Variants in ALPL observed in about 807,000 individuals in gnomAD.
ALPL encodes the protein alkaline phosphatase, biomineralization associated.
A neutral mutation model predicts 51.3 loss-of-function variants in ALPL; 42 were observed. The observed-to-expected ratio is 0.82, with a 90% CI of 0.64 to 1.06. The LOEUF (loss-of-function observed/expected upper bound fraction) is 1.06, where lower values mean the gene tolerates loss of function less well. ALPL is among the 50% of genes least tolerant of loss of function. ALPL has a pLI of 0.00. For synonymous variants in ALPL, 279 were observed against 296.4 expected (o/e 0.94, Z 0.60); for missense variants, 589 against 709.4 (o/e 0.83, Z 1.93).
chr1:21,573,164 A>C (rs1644673420), intron 8 of ALPL, among the ~76,000 whole-genome samples: 1 of 152,172 alleles, frequency 6.6e-6, no homozygotes, highest in Non-Finnish European at 1.5e-5. Flanking sequence ...CTGGGTGCGG[A>C]GGCTCACGCC....
At chr1:21,555,857 A>G (rs1644406233) in intron 2 of ALPL, among the ~76,000 whole-genome samples, 5 of 151,106 alleles carry the variant, frequency 3.3e-5, no homozygotes, top group Non-Finnish European at 7.4e-5. Flanking sequence ...TGCAAGCTCC[A>G]TCTCCCGGGT....
chr1:21,577,054 T>C (rs1453523719), intron 11 of ALPL, among the ~76,000 whole-genome samples: 1 of 152,150 alleles, frequency 6.6e-6, no homozygotes, highest in African/African-American at 2.4e-5. Context: ...CCCATATCAT[T>C]CATTCGTTCT....
intron 1 of ALPL, among the ~76,000 whole-genome samples, chr1:21,547,282 A>G: frequency 6.6e-6 from 1 of 152,160 alleles, no homozygotes; most frequent in Non-Finnish European, 1.5e-5. Flanking sequence ...CTTCTGACTA[A>G]TCCACAAAGA....
At chr1:21,509,085 A>G (rs1177326553), upstream of ALPL, among the ~76,000 whole-genome samples, 2 of 152,050 alleles carry the variant, frequency 1.3e-5, no homozygotes, top group East Asian at 3.9e-4. The surrounding 1 kb of genome is among the most constrained non-coding windows in gnomAD (Gnocchi z 6.0). Context: ...CGGTAAAGAC[A>G]AAACAGGAGA....
intron 8 of ALPL, among the ~76,000 whole-genome samples, chr1:21,571,971 T>C (rs1008664584): frequency 5.9e-5 from 9 of 151,798 alleles, no homozygotes; most frequent in Non-Finnish European, 1.2e-4. Flanking sequence ...CCAGCCTGGG[T>C]GACAGAGCAA....
chr1:21,577,438 C>G lies in ALPL; in HGVS notation c.1365C>G (p.Gly455=), dbSNP rs370212283. 6.2e-7 allele frequency: 1 copy of G among 1,612,434 alleles called. No homozygotes were observed. The highest frequency in any genetic ancestry group is 1.6e-4 in the Middle Eastern group (1 of 6,062). The change falls in exon 12 of 12, where the codon GGC becomes GGG. Residue 455 remains glycine (G), a synonymous_variant. Transcript: ENST00000374840. ...SAVPLRHETH[G]GEDVAVFSKG... The stretch of plus-strand genomic sequence containing the variant: ...TGCCCCTGCGCCACGAGACCCACGG[C>G]GGGGAGGACGTGGCCGTCTTCTCCA...
intron 1 of ALPL, among the ~76,000 whole-genome samples, chr1:21,529,956 G>A (rs1644006228): frequency 1.3e-5 from 2 of 151,926 alleles, no homozygotes; most frequent in South Asian, 2.1e-4. Context: ...TGTATTTTTT[G>A]TAGAGATGGA....
intron 1 of ALPL, among the ~76,000 whole-genome samples, chr1:21,521,612 C>A (rs1427139865): frequency 6.6e-6 from 1 of 152,168 alleles, no homozygotes; most frequent in African/African-American, 2.4e-5. Context: ...AGCCTGGCCA[C>A]CCTCCCCAGA....
chr1:21,556,302 A>T (rs896814676), intron 2 of ALPL, among the ~76,000 whole-genome samples: 1 of 152,174 alleles, frequency 6.6e-6, no homozygotes. Context: ...CCATAGCTCC[A>T]AGGCAAAATG....
At position 21,557,063 on chromosome 1, in the gene ALPL, A is replaced by G. The variant is rs1266350473; in HGVS notation, c.61+2921A>G. 1.3e-5 allele frequency among the ~76,000 whole-genome samples: 2 copies of G among 152,108 alleles called. 1 individual carries two copies. The highest frequency in any genetic ancestry group is 2.9e-5 in the Non-Finnish European group (2 of 68,014). On this transcript the variant is annotated intron_variant, in intron 2 of 11. Transcript: ENST00000374840. ...ATTCCCTCATCAATGCTGCCTCCTG[A>G]GGATTTTCCTTCCCCCTTTTCTTCC...
chr1:21,545,287 GTT>G (rs1644239405), intron 1 of ALPL, among the ~76,000 whole-genome samples: 2 of 151,570 alleles, frequency 1.3e-5, no homozygotes, highest in African/African-American at 4.9e-5. Flanking sequence ...TTTTGTTTTT[GTT>G]TTTGTTTTTG....
chr1:21,522,132 C>T (rs560445805), intron 1 of ALPL, among the ~76,000 whole-genome samples: 4 of 147,940 alleles, frequency 2.7e-5, no homozygotes, highest in South Asian at 2.1e-4. Flanking sequence ...AGTGCAGTGG[C>T]GCAATCTCGG....
At chr1:21,550,638 C>T (rs1294975415) in intron 1 of ALPL, among the ~76,000 whole-genome samples, 1 of 152,090 alleles carries the variant, frequency 6.6e-6, no homozygotes, top group Non-Finnish European at 1.5e-5. Flanking sequence ...GTAACCAGCA[C>T]CCACCCACCC....
chr1:21,570,869 C>T (rs1644637910), intron 8 of ALPL, among the ~76,000 whole-genome samples: 1 of 152,220 alleles, frequency 6.6e-6, no homozygotes, highest in Non-Finnish European at 1.5e-5. Context: ...TGGGATGCAG[C>T]CCTGAGCACC....
rs2148161776 is a variant in ALPL, at chr1:21,564,165, G to A, written c.597G>A (p.Gln199=). ...DNEMPPEALS[Q]GCKDIAYQLM... is the part of the protein sequence containing the mutation. ...AGATGCCCCCTGAGGCCTTGAGCCA[G>A]GGCTGTAAGGACATCGCCTACCAGC... Residue 199 remains glutamine, a synonymous_variant, in exon 6 of 12, where the codon CAG becomes CAA. Transcript: ENST00000374840. The surrounding 1 kb of genome is among the most constrained non-coding windows in gnomAD (Gnocchi z 5.8). The A allele has an allele frequency of 3.1e-6, 5 of 1,614,054 alleles. No homozygotes were observed. The highest frequency in any genetic ancestry group is 4.2e-6 in the Non-Finnish European group (5 of 1,180,020).
chr1:21,515,482 G>A (rs1570158481), intron 1 of ALPL, among the ~76,000 whole-genome samples: 2 of 151,546 alleles, frequency 1.3e-5, no homozygotes, highest in South Asian at 2.1e-4. Context: ...TCCGCCTCCC[G>A]GGTTCCAGAG....
intron 1 of ALPL, among the ~76,000 whole-genome samples, chr1:21,528,446 C>G (rs1471924366): frequency 1.4e-5 from 2 of 147,168 alleles, no homozygotes; most frequent in Admixed American, 1.4e-4. Context: ...CTCCTGGATT[C>G]AAGCAATTCT....
chr1:21,512,818 A>G (rs1315458870), intron 1 of ALPL, among the ~76,000 whole-genome samples: 6 of 152,214 alleles, frequency 3.9e-5, no homozygotes, highest in Non-Finnish European at 8.8e-5. Flanking sequence ...TCACTGTGGC[A>G]TGAAATCAAT....
intron 1 of ALPL, among the ~76,000 whole-genome samples, chr1:21,532,957 A>G (rs74807574): frequency 0.13 from 19,889 of 152,162 alleles, 1,859 homozygotes; most frequent in East Asian, 0.48. Flanking sequence ...TTGGAGAAAA[A>G]GATGAAGGTG....
Sources: allele counts gnomAD v4.1 joint callset (sites outside exome capture counted in the v4.1 genomes callset), GRCh38; gene constraint gnomAD v4.1.1; non-coding constraint Gnocchi (gnomAD v3.1); transcripts MANE v1.5; gene names NCBI Gene and HGNC (gene_info 2026-07-23, HGNC 2026-07-21).